CFAP65: variants seen among roughly 807,000 people sequenced by gnomAD.
CFAP65 encodes cilia and flagella associated protein 65, also known as cilia- and flagella-associated protein 65.
A neutral mutation model predicts 208.0 loss-of-function variants in CFAP65; 155 were observed. The observed-to-expected ratio is 0.75, with a 90% CI of 0.65 to 0.85. CFAP65 has a LOEUF of 0.85. Ranked by LOEUF, CFAP65 falls within the 40% of genes least tolerant of loss-of-function variation. The pLI, the probability that CFAP65 is intolerant of heterozygous loss-of-function variation, is 0.00. For synonymous variants in CFAP65, 970 were observed against 986.3 expected (o/e 0.98, Z 0.31); for missense variants, 2,294 against 2,451.3 (o/e 0.94, Z 1.36).
chr2:219,026,691 G>A (rs896172726), intron 13 of CFAP65: 24 of 667,870 alleles, frequency 3.6e-5, no homozygotes, highest in African/African-American at 2.0e-4. Flanking sequence ...TTACACTCAC[G>A]GCACGTCTCA....
Position 219,031,678 on chromosome 2 carries a change from A to C in CFAP65, c.646-20T>G, listed in dbSNP as rs1216022504. 6 of 1,580,544 alleles carry C rather than the reference A, an allele frequency of 3.8e-6. No homozygotes were observed. Among genetic ancestry groups the C allele is most frequent in the Non-Finnish European group, 5.2e-6 (6 of 1,161,908 alleles). On this transcript the variant is annotated intron_variant, in intron 6 of 34. Transcript: ENST00000341552. This position sits in a 1 kb window ranked among gnomAD's most constrained non-coding sequence, Gnocchi z 5.2. ...CTCCTTCTGCAGTGTGAGGCGGGGC[A>C]GGGGCAGTCACCCATCAGTGGCATT...
In CFAP65 at chr2:219,031,365, G is replaced by A. The variant is rs1948017113; in HGVS notation, c.816-60C>T. On this transcript the variant is annotated intron_variant, in intron 7 of 34. Coordinates refer to ENST00000341552, the MANE Select transcript of CFAP65 (RefSeq NM_194302.4). The surrounding 1 kb of genome is among the most constrained non-coding windows in gnomAD (Gnocchi z 5.2). Reference sequence around the variant, plus strand: ...CCGGCCCCTGCTCCTGCAGTAGCAAGTCAGGGATGCTGGGCAGAACCTCAG... The same window carrying A: ...CCGGCCCCTGCTCCTGCAGTAGCAAATCAGGGATGCTGGGCAGAACCTCAG... 2.5e-6 allele frequency: 4 copies of A among 1,605,682 alleles called. No individual in the cohort carries two copies. Among genetic ancestry groups the A allele is most frequent in the Non-Finnish European group, 3.4e-6 (4 of 1,173,892 alleles).
In CFAP65 at chr2:219,002,994, C is replaced by G. The variant is rs1945679580; in HGVS notation, c.5721G>C (p.Pro1907=). 6.4e-7 allele frequency: 1 copy of G among 1,562,580 alleles called. No individual in the cohort carries two copies. Among genetic ancestry groups the G allele is most frequent in the African/African-American group, 1.3e-5 (1 of 74,316 alleles). Residue 1907 remains proline (P), a synonymous_variant, in exon 35 of 35, where the codon CCG becomes CCC. Coordinates refer to ENST00000341552, the MANE Select transcript of CFAP65 (RefSeq NM_194302.4). This position sits in a 1 kb window ranked among gnomAD's most constrained non-coding sequence, Gnocchi z 7.9. ...GGTGGAGTACCTCTGCTTGCTGCGT[C>G]GGCAGCAGCGTGTCCGGGGTCAGAC... The part of the protein sequence containing the change: ...PRSLTPDTLL[P]TQQAEVLHPV...
chr2:219,013,088 C>G (rs1180063966), intron 24 of CFAP65, among the ~76,000 whole-genome samples, 171 bp downstream of exon 24: 1 of 152,176 alleles, frequency 6.6e-6, no homozygotes, highest in Non-Finnish European at 1.5e-5. Context: ...ACACTGCAGC[C>G]TCTCCCTTCA....
Position 219,029,594 on chromosome 2 carries a change from G to A in CFAP65, c.1459C>T (p.Leu487=). ...CAGTCCGATTGGTTCTCAATCCACA[G>A]GGGCTGCTCGGAGCGCTCCCCAAGG... is the stretch of plus-strand genomic sequence containing the variant. The part of the protein sequence containing the change: ...VNLGERSEQP[L]WIENQSDCTA... The change falls in exon 11 of 35, where the codon CTG becomes TTG. Residue 487 remains leucine (L), a synonymous_variant. Coordinates refer to ENST00000341552, the MANE Select transcript of CFAP65 (RefSeq NM_194302.4). 2 of 1,614,178 alleles carry A rather than the reference G, an allele frequency of 1.2e-6. No homozygotes were observed. Among genetic ancestry groups the A allele is most frequent in the South Asian group, 2.2e-5 (2 of 91,084 alleles).
intron 5 of CFAP65, 83 bp downstream of exon 5, chr2:219,035,397 G>C: frequency 1.2e-6 from 2 of 1,606,612 alleles, no homozygotes; most frequent in Non-Finnish European, 1.7e-6. Context: ...GGTTTTTTTT[G>C]TTTGTTTTGT....
rs752296503 is a variant in CFAP65, at chr2:219,030,211, G to A, written c.1162-3C>T. Reference sequence around the variant, plus strand: ...TCAATCCTGAAGGGGGCATTTACCTGTGTGGCCAAGCAGAAGGACAAAGGG... The same window carrying A: ...TCAATCCTGAAGGGGGCATTTACCTATGTGGCCAAGCAGAAGGACAAAGGG... On this transcript the variant is annotated splice_region_variant and splice_polypyrimidine_tract_variant and intron_variant, in intron 9 of 34. Transcript: ENST00000341552. The A allele has an allele frequency of 3.1e-6, 5 of 1,613,648 alleles. No individual in the cohort carries two copies. The South Asian group carries it at 5.5e-5, about 18-fold the overall frequency.
Position 219,032,930 on chromosome 2 carries a change from G to C in CFAP65, c.543-358C>G, listed in dbSNP as rs1454431193. Reference sequence around the variant, plus strand: ...CCAAGGCTGAGGAGGGTGGGACCGGGGATGCCTTTCCAGAGACCTCAGCAG... The same window carrying C: ...CCAAGGCTGAGGAGGGTGGGACCGGCGATGCCTTTCCAGAGACCTCAGCAG... On this transcript the variant is annotated intron_variant, in intron 5 of 34. Coordinates refer to ENST00000341552, the MANE Select transcript of CFAP65 (RefSeq NM_194302.4). The surrounding 1 kb of genome is among the most constrained non-coding windows in gnomAD (Gnocchi z 5.5). 6.6e-6 allele frequency among the ~76,000 whole-genome samples: 1 copy of C among 152,266 alleles called. No individual in the cohort carries two copies. Among genetic ancestry groups the C allele is most frequent in the Non-Finnish European group, 1.5e-5 (1 of 68,024 alleles).
chr2:219,032,644 G>A lies in CFAP65; in HGVS notation c.543-72C>T. ...CAACTGGAAGAGGCAGGAAACGAGG[G>A]AAGCCCTGCAGCCAAGGGAGCTTGA... is the stretch of plus-strand genomic sequence containing the variant. On this transcript the variant is annotated intron_variant, in intron 5 of 34. Coordinates refer to ENST00000341552, the MANE Select transcript of CFAP65 (RefSeq NM_194302.4). The surrounding 1 kb of genome is among the most constrained non-coding windows in gnomAD (Gnocchi z 5.5). The A allele has an allele frequency of 1.5e-6, 2 of 1,372,802 alleles. No individual in the cohort carries two copies. Among genetic ancestry groups the A allele is most frequent in the Non-Finnish European group, 2.0e-6 (2 of 991,860 alleles). The allele number at this position is 1,372,802 out of a possible 1,614,324, so 85.0% of individuals were successfully genotyped here. A position where few individuals can be genotyped will look rare whatever the true frequency, so the allele number is the denominator to read the frequency against.
intron 31 of CFAP65, 118 bp downstream of exon 31, chr2:219,005,903 A>G: frequency 9.5e-7 from 1 of 1,052,332 alleles, no homozygotes; most frequent in Non-Finnish European, 1.4e-6. Context: ...AATGAGCCCC[A>G]CTGCTGCTGC....
rs1445532893 is a variant in CFAP65 at position 219,022,187 on chromosome 2, A to C, written c.2963T>G (p.Leu988Arg). The change falls in exon 17 of 35, where the codon CTC becomes CGC. Residue 988 changes from leucine (L) to arginine (R), a missense_variant. Around this residue, in one of 2 missense-constraint regions of CFAP65, gnomAD observed 1,427 missense variants for 1,438.7 expected, o/e 0.99. Coordinates refer to ENST00000341552, the MANE Select transcript of CFAP65 (RefSeq NM_194302.4). ...CCCACTCACAGAGAGGCTGCTGGTG[A>C]GCCCAACGCCCACCAGCCGGAGCAT... ...HYMLRLVGVG[L>R]TSSLSAKEKE... 1.3e-6 allele frequency: 2 copies of C among 1,599,404 alleles called. No homozygotes were observed. Among genetic ancestry groups the C allele is most frequent in the South Asian group, 2.2e-5 (2 of 89,078 alleles).
At chr2:219,034,738 T>C (rs1244357473) in intron 5 of CFAP65, 1 of 152,198 alleles carries the variant, frequency 6.6e-6, no homozygotes, top group African/African-American at 2.4e-5. Context: ...ATTTCACACA[T>C]GAAGAAATGC....
chr2:219,016,043 G>GTGAA (rs1475902858), intron 21 of CFAP65, among the ~76,000 whole-genome samples: 19 of 152,198 alleles, frequency 1.2e-4, no homozygotes, highest in Non-Finnish European at 1.5e-5. Context: ...AATGCTGAGT[G>GTGAA]TGAAAGGCAC....
At chr2:219,012,822 TA>T (rs1220744320) in intron 24 of CFAP65, among the ~76,000 whole-genome samples, 1 of 152,202 alleles carries the variant, frequency 6.6e-6, no homozygotes, top group Non-Finnish European at 1.5e-5. Context: ...GCCCAGCATT[TA>T]AAAAATTGGA....
chr2:219,026,309 A>G, intron 13 of CFAP65, 150 bp from the exon 14 acceptor site: 1 of 821,808 alleles, frequency 1.2e-6, no homozygotes, highest in East Asian at 2.7e-5. Flanking sequence ...GCAGAGAACA[A>G]GAATCCCAAC....
intron 31 of CFAP65, 144 bp downstream of exon 31, chr2:219,005,877 G>A: frequency 1.1e-6 from 1 of 877,778 alleles, no homozygotes; most frequent in Non-Finnish European, 1.8e-6. Context: ...GGGGCATCCT[G>A]GGCCCAGAGG....
chr2:219,026,095 A>G lies in CFAP65; in HGVS notation c.2276T>C (p.Val759Ala), dbSNP rs1324874285. The G allele has an allele frequency of 1.2e-6, 2 of 1,614,038 alleles. No homozygotes were observed. Among genetic ancestry groups the G allele is most frequent in the Non-Finnish European group, 1.7e-6 (2 of 1,179,988 alleles). Residue 759 changes from valine to alanine, a missense_variant, in exon 14 of 35, where the codon GTG (valine) becomes GCG (alanine). Physicochemically the swap from Val to Ala is moderately conservative, Grantham distance 64 (BLOSUM62 0). Around this residue, in one of 2 missense-constraint regions of CFAP65, gnomAD observed 867 missense variants for 1,012.6 expected, o/e 0.86. Transcript: ENST00000341552. ...CTMCPSWCLTVRARGHSYFAG... is the reference protein window; with the variant it reads ...CTMCPSWCLTARARGHSYFAG... The stretch of plus-strand genomic sequence containing the variant: ...GAAATAGCTGTGGCCTCGTGCCCGC[A>G]CCGTCAGGCACCAGGATGGGCACAT...
At chr2:219,028,493 A>G in intron 11 of CFAP65, 92 bp from the exon 12 acceptor site, 1 of 1,115,910 alleles carries the variant, frequency 9.0e-7, no homozygotes, top group Non-Finnish European at 1.3e-6. Flanking sequence ...AGCTGGGCAG[A>G]CAGGATAACA....
In CFAP65 at chr2:219,031,175, C is replaced by T. The variant is rs781320348; in HGVS notation, c.946G>A (p.Glu316Lys). The part of the protein sequence containing the change: ...TFQPLTAVIY[E>K]VQATCWYGAG... ...CCGTACCAGCACGTGGCCTGCACCTCGTAGATGACGGCTGTAAGGGGCTGA... is the reference window on the plus strand; with the variant it reads ...CCGTACCAGCACGTGGCCTGCACCTTGTAGATGACGGCTGTAAGGGGCTGA... Residue 316 changes from glutamate to lysine, a missense_variant, in exon 8 of 35, where the codon GAG becomes AAG. This residue lies in a region of CFAP65 where 867 missense variants were observed against 1,012.6 expected (regional missense o/e 0.86). Coordinates refer to ENST00000341552, the MANE Select transcript of CFAP65 (RefSeq NM_194302.4). This position sits in a 1 kb window ranked among gnomAD's most constrained non-coding sequence, Gnocchi z 5.2. 25 of 1,611,350 alleles carry T rather than the reference C, an allele frequency of 1.6e-5. No individual in the cohort carries two copies. Among genetic ancestry groups the T allele is most frequent in the Admixed American group, 3.4e-5 (2 of 59,616 alleles).
Sources: gnomAD v4.1 joint callset for allele counts (sites outside exome capture counted in the v4.1 genomes callset) on GRCh38, gnomAD v4.1.1 for gene constraint, gnomAD v4.1.1 regional missense constraint, Gnocchi (gnomAD v3.1) non-coding constraint, MANE v1.5 for transcripts, NCBI Gene and HGNC (gene_info 2026-07-23, HGNC 2026-07-21) for gene names.